Variants in RGL1 observed in about 807,000 individuals in gnomAD.
RGL1 encodes the protein ral guanine nucleotide dissociation stimulator like 1.
In RGL1, 24 loss-of-function variants were observed where a neutral mutation model predicts 95.2. The observed-to-expected ratio is 0.25, with a 90% CI of 0.18 to 0.35. The LOEUF is 0.35. Ranked by LOEUF, RGL1 falls within the 10% of genes least tolerant of loss-of-function variation. The pLI is 1.00. For synonymous variants in RGL1, 329 were observed against 344.9 expected, an observed-to-expected ratio of 0.95 and a Z score of 0.51; for missense variants, 715 against 936.3, an observed-to-expected ratio of 0.76 and a Z score of 3.08.
At chr1:183,907,369 A>G (rs921913212) in intron 14 of RGL1, among the ~76,000 whole-genome samples, 2 of 150,328 alleles carry the variant, frequency 1.3e-5, no homozygotes, top group Admixed American at 6.7e-5. Context: ...TTACCCAACC[A>G]TTCATTCTCC....
intron 1 of RGL1, among the ~76,000 whole-genome samples, chr1:183,733,696 C>T (rs1048187851): frequency 6.6e-6 from 1 of 152,160 alleles, no homozygotes; most frequent in South Asian, 2.1e-4. Context: ...AAATGCTACT[C>T]TGTGTATAAA....
chr1:183,820,271 A>G (rs1662381522), intron 2 of RGL1, among the ~76,000 whole-genome samples: 1 of 152,212 alleles, frequency 6.6e-6, no homozygotes. Context: ...TTTTCAGAAC[A>G]AATTAGAAAG....
chr1:183,869,233 T>G (rs975624100), intron 4 of RGL1, among the ~76,000 whole-genome samples: 3 of 152,248 alleles, frequency 2.0e-5, no homozygotes, highest in Non-Finnish European at 4.4e-5. Context: ...ACCCTGGGTA[T>G]GAAGAGTCAT....
At chr1:183,788,587 A>C (rs1361383145) in intron 2 of RGL1, among the ~76,000 whole-genome samples, 1 of 152,184 alleles carries the variant, frequency 6.6e-6, no homozygotes, top group Non-Finnish European at 1.5e-5. Context: ...AGCAGTATGT[A>C]TCATTTAGTA....
intron 2 of RGL1, among the ~76,000 whole-genome samples, chr1:183,787,343 C>G (rs569914220): frequency 1.3e-5 from 2 of 152,270 alleles, no homozygotes; most frequent in East Asian, 1.9e-4. Flanking sequence ...TAATGGGGTA[C>G]GAGTTCTTTG....
At chr1:183,717,114 A>G (rs1033807057) in intron 1 of RGL1, among the ~76,000 whole-genome samples, 5 of 152,214 alleles carry the variant, frequency 3.3e-5, no homozygotes, top group African/African-American at 9.6e-5. Flanking sequence ...TACAGCCAGC[A>G]TTTTTAGAGG....
intron 1 of RGL1, among the ~76,000 whole-genome samples, chr1:183,707,313 G>T (rs1654980299): frequency 6.6e-6 from 1 of 152,190 alleles, no homozygotes; most frequent in Non-Finnish European, 1.5e-5. Context: ...ATAAGACTGG[G>T]TGAGGTACTG....
chr1:183,765,655 A>G (rs1261478794), intron 2 of RGL1, among the ~76,000 whole-genome samples: 5 of 152,206 alleles, frequency 3.3e-5, no homozygotes, highest in Non-Finnish European at 7.3e-5. Context: ...CTCTGGTCCA[A>G]TGGCACAATC....
Position 183,847,694 on chromosome 1 carries a change from C to T in RGL1, c.267C>T (p.Asp89=), listed in dbSNP as rs1391860345. Residue 89 remains aspartate (D), a synonymous_variant, in exon 3 of 18, where the codon GAC becomes GAT. Transcript: ENST00000360851. ...TGCTGACAGCTTTTGGGGACAATGA[C>T]TTTACCTATATCAGCATCTTTCTTT... ...ENLLTAFGDN[D]FTYISIFLST... The T allele has an allele frequency of 1.3e-5, 21 of 1,613,980 alleles. No homozygotes were observed. The highest frequency in any genetic ancestry group is 1.8e-5 in the Non-Finnish European group (21 of 1,179,956).
At chr1:183,893,035 C>G (rs1025680079) in intron 9 of RGL1, among the ~76,000 whole-genome samples, 1 of 152,180 alleles carries the variant, frequency 6.6e-6, no homozygotes, top group Non-Finnish European at 1.5e-5. Flanking sequence ...GCTTTTATCA[C>G]CAAGACATAA....
At chr1:183,826,119 T>C (rs1041843646) in intron 2 of RGL1, among the ~76,000 whole-genome samples, 1 of 151,766 alleles carries the variant, frequency 6.6e-6, no homozygotes, top group Non-Finnish European at 1.5e-5. Flanking sequence ...AGTGGTGCGA[T>C]CTTGGCTCAC....
At chr1:183,736,117 G>C (rs552784138) in intron 1 of RGL1, among the ~76,000 whole-genome samples, 1 of 152,130 alleles carries the variant, frequency 6.6e-6, no homozygotes, top group Non-Finnish European at 1.5e-5. Context: ...TCAAAACCCC[G>C]ATATTATATA....
chr1:183,798,540 T>C (rs1006734922), intron 2 of RGL1, among the ~76,000 whole-genome samples: 2 of 152,262 alleles, frequency 1.3e-5, no homozygotes, highest in South Asian at 4.1e-4. Flanking sequence ...TTATTTTGTG[T>C]GTGTATGTGA....
intron 1 of RGL1, among the ~76,000 whole-genome samples, chr1:183,685,947 C>T (rs1211253403): frequency 2.0e-5 from 3 of 152,194 alleles, no homozygotes; most frequent in African/African-American, 7.2e-5. Flanking sequence ...TCCCCAGCAC[C>T]TTGCAAAAAT....
chr1:183,909,950 C>G (rs12119315), intron 14 of RGL1, among the ~76,000 whole-genome samples: 39,387 of 151,932 alleles, frequency 0.26, 5,471 homozygotes, highest in Non-Finnish European at 0.3. Context: ...TCAATACTGA[C>G]TGTTACTTTC....
chr1:183,678,423 G>A (rs561441833), intron 1 of RGL1, among the ~76,000 whole-genome samples: 11 of 152,082 alleles, frequency 7.2e-5, no homozygotes, highest in Non-Finnish European at 1.3e-4. Context: ...TATCAGCAAC[G>A]TTAAAAATAT....
At chr1:183,676,259 C>A (rs935890576) in intron 1 of RGL1, among the ~76,000 whole-genome samples, 2 of 151,932 alleles carry the variant, frequency 1.3e-5, no homozygotes, top group African/African-American at 4.8e-5. Context: ...TTTCATGAAA[C>A]CTTTGTCTTG....
At chr1:183,752,653 G>A (rs1453642694) in intron 2 of RGL1, among the ~76,000 whole-genome samples, 1 of 103,818 alleles carries the variant, frequency 9.6e-6, no homozygotes, top group Non-Finnish European at 1.9e-5. Context: ...GGGTCTAACA[G>A]TAACACATCT....
chr1:183,806,428 C>G lies in RGL1; in HGVS notation c.81C>G (p.Val27=). Reference sequence around the variant, plus strand: ...TAGAGGAAGGAGCTGTTTACCATGTCACCCTCAAAAGAGTCCAGATTCAAC... The same window carrying G: ...TAGAGGAAGGAGCTGTTTACCATGTGACCCTCAAAAGAGTCCAGATTCAAC... ...EEVEEGAVYH[V]TLKRVQIQQA... is the part of the protein sequence containing the mutation. The change falls in exon 2 of 18, where the codon GTC becomes GTG. Residue 27 remains valine, a synonymous_variant. Coordinates refer to ENST00000360851, the MANE Select transcript of RGL1 (RefSeq NM_001297671.3). 1 of 1,614,074 alleles carries G rather than the reference C, an allele frequency of 6.2e-7. No homozygotes were observed. Among genetic ancestry groups the G allele is most frequent in the Non-Finnish European group, 8.5e-7 (1 of 1,180,004 alleles).
Sources: gnomAD v4.1 joint callset for allele counts (sites outside exome capture counted in the v4.1 genomes callset) on GRCh38, gnomAD v4.1.1 for gene constraint, MANE v1.5 for transcripts, NCBI Gene and HGNC (gene_info 2026-07-23, HGNC 2026-07-21) for gene names.